GRK5: variants seen among roughly 807,000 people sequenced by gnomAD.
GRK5 encodes G protein-coupled receptor kinase 5, also known as g protein-coupled receptor kinase GRK5.
In GRK5, 40 loss-of-function variants were observed where a neutral mutation model predicts 78.4. That is an observed-to-expected ratio of 0.51 (90% CI 0.40 to 0.66). GRK5 has a LOEUF of 0.66. Among genes scored for constraint, GRK5 ranks in the 30% least tolerant of loss-of-function variants. GRK5 has a pLI of 0.00. For missense variants in GRK5, 598 were observed against 759.9 expected (o/e 0.79, Z 2.50); for synonymous variants, 289 against 296.8 (o/e 0.97, Z 0.27).
intron 3 of GRK5, among the ~76,000 whole-genome samples, chr10:119,385,269 TTTA>T (rs992992444): frequency 6.6e-5 from 10 of 152,044 alleles, no homozygotes; most frequent in African/African-American, 2.4e-4. Context: ...TTTATTTTAT[TTTA>T]TTTTATTTAT....
intron 4 of GRK5, among the ~76,000 whole-genome samples, chr10:119,415,102 AAG>A (rs1852423135): frequency 6.7e-6 from 1 of 148,680 alleles, no homozygotes; most frequent in South Asian, 2.2e-4. Context: ...AAAAAAAAAA[AAG>A]AAAAAGAAAA....
chr10:119,383,156 C>T (rs1321739328), intron 3 of GRK5, among the ~76,000 whole-genome samples: 1 of 152,156 alleles, frequency 6.6e-6, no homozygotes. Flanking sequence ...CTCCTGACCT[C>T]GTGATCCACC....
At chr10:119,417,703 A>G (rs1038488079) in intron 4 of GRK5, among the ~76,000 whole-genome samples, 18 of 152,298 alleles carry the variant, frequency 1.2e-4, no homozygotes, top group African/African-American at 4.3e-4. Context: ...ACGCGGCATG[A>G]TACGGTTTAG....
chr10:119,403,411 C>T (rs1020850853), intron 4 of GRK5, among the ~76,000 whole-genome samples: 4 of 152,088 alleles, frequency 2.6e-5, no homozygotes, highest in South Asian at 4.1e-4. Flanking sequence ...GTGATCCACC[C>T]GCCTCAGCCT....
chr10:119,411,990 A>G (rs1289647865), intron 4 of GRK5, among the ~76,000 whole-genome samples: 1 of 151,826 alleles, frequency 6.6e-6, no homozygotes, highest in Non-Finnish European at 1.5e-5. Flanking sequence ...AGCTGGGACT[A>G]TAGGCATACA....
At chr10:119,272,590 AAAAGAAAG>A (rs1405615249) in intron 1 of GRK5, among the ~76,000 whole-genome samples, 2 of 137,080 alleles carry the variant, frequency 1.5e-5, no homozygotes, top group African/African-American at 5.4e-5. Flanking sequence ...AAAAAAAAAA[AAAAGAAAG>A]AAAGAAAGAA....
At chr10:119,447,511 C>T (rs1199086931) in intron 12 of GRK5, among the ~76,000 whole-genome samples, 5 of 152,200 alleles carry the variant, frequency 3.3e-5, no homozygotes, top group African/African-American at 1.2e-4. Context: ...CCCCTACCCA[C>T]ACCTTGAAAG....
At chr10:119,269,214 C>T (rs368127140) in intron 1 of GRK5, among the ~76,000 whole-genome samples, 2 of 152,210 alleles carry the variant, frequency 1.3e-5, no homozygotes, top group Admixed American at 6.5e-5. Context: ...CTGACGCGTT[C>T]CCCCTGCTTG....
chr10:119,429,681 G>A (rs766245218), intron 6 of GRK5, among the ~76,000 whole-genome samples: 2 of 151,956 alleles, frequency 1.3e-5, no homozygotes, highest in Admixed American at 6.6e-5. Flanking sequence ...CTTCCAATCC[G>A]ATCTTGGCAG....
intron 2 of GRK5, among the ~76,000 whole-genome samples, chr10:119,327,775 G>A (rs1034206123): frequency 6.6e-6 from 1 of 152,154 alleles, no homozygotes; most frequent in Non-Finnish European, 1.5e-5. Flanking sequence ...TCTGTGCCCC[G>A]CCCCACGACG....
intron 9 of GRK5, among the ~76,000 whole-genome samples, chr10:119,438,647 A>G (rs1852971931): frequency 6.6e-6 from 1 of 152,150 alleles, no homozygotes. Flanking sequence ...TCCGGGGGAA[A>G]GAGAACCACA....
intron 1 of GRK5, among the ~76,000 whole-genome samples, chr10:119,212,380 T>C (rs1170215913): frequency 6.6e-6 from 1 of 152,242 alleles, no homozygotes; most frequent in Non-Finnish European, 1.5e-5. Flanking sequence ...AGTGCTTGAC[T>C]CTTCCAGTGC....
chr10:119,373,595 C>T (rs1019793190), intron 2 of GRK5, among the ~76,000 whole-genome samples: 8 of 152,104 alleles, frequency 5.3e-5, no homozygotes, highest in African/African-American at 1.2e-4. Flanking sequence ...TTATAAATTA[C>T]CCAGTCAGGT....
chr10:119,366,149 C>T (rs139841445), intron 2 of GRK5, among the ~76,000 whole-genome samples: 138 of 152,332 alleles, frequency 9.1e-4, no homozygotes, highest in Middle Eastern at 3.4e-3. Context: ...GCAATTCCAA[C>T]ACCCTATTAA....
In GRK5 at chr10:119,347,658, T is replaced by G. The variant is rs550959067; in HGVS notation, c.148+21047T>G. 3.3e-5 allele frequency among the ~76,000 whole-genome samples: 5 copies of G among 152,374 alleles called. No homozygotes were observed. The East Asian group carries it at 9.6e-4, about 29-fold the overall frequency. ...TGTCCCAGGCTGGAACCAGATGGCC[T>G]GAATTCTACCACAGTCCCCACTTAC... On this transcript the variant is annotated intron_variant, in intron 2 of 15. Coordinates refer to ENST00000392870, the MANE Select transcript of GRK5 (RefSeq NM_005308.3).
chr10:119,341,389 C>T (rs752065871), intron 2 of GRK5, among the ~76,000 whole-genome samples: 14 of 152,206 alleles, frequency 9.2e-5, no homozygotes, highest in Non-Finnish European at 2.1e-4. Context: ...TCACCCCTGC[C>T]GCTCATCTCC....
At chr10:119,364,910 G>T (rs1442600484) in intron 2 of GRK5, among the ~76,000 whole-genome samples, 3 of 152,050 alleles carry the variant, frequency 2.0e-5, no homozygotes, top group Non-Finnish European at 4.4e-5. Context: ...TAGAAATAAG[G>T]GTTTCACCAC....
In GRK5 at chr10:119,292,914, G is replaced by A. The variant is rs78197856; in HGVS notation, c.53-33602G>A. ...TAAATCCACAAATGCAGAGCCCGTG[G>A]ATATGGGAGGCCAACTGCGTGTTGA... On this transcript the variant is annotated intron_variant, in intron 1 of 15. Transcript: ENST00000392870. Among the ~76,000 whole-genome samples the A allele has an allele frequency of 5.2e-3, 785 of 152,080 alleles. 25 individuals carry two copies. The highest frequency in any genetic ancestry group is 0.034 in the Admixed American group (526 of 15,270).
intron 1 of GRK5, among the ~76,000 whole-genome samples, chr10:119,290,355 AAAAAAAAAC>A (rs1428333542): frequency 2.1e-5 from 3 of 144,376 alleles, no homozygotes; most frequent in East Asian, 2.0e-4. Flanking sequence ...TCAAAAAAAA[AAAAAAAAAC>A]AAAAAACAAC....
Sources: gnomAD v4.1 joint callset for allele counts (sites outside exome capture counted in the v4.1 genomes callset) on GRCh38, gnomAD v4.1.1 for gene constraint, MANE v1.5 for transcripts, NCBI Gene and HGNC (gene_info 2026-07-23, HGNC 2026-07-21) for gene names.